The following CCDC198 variants were observed in gnomAD, a reference collection of about 807,000 sequenced individuals.
The protein encoded by CCDC198 is coiled-coil domain containing 198, also known as factor associated with metabolism and energy.
In CCDC198, 18 loss-of-function variants were observed where a neutral mutation model predicts 35.6. The ratio of observed to expected loss-of-function variants is 0.51; its 90% confidence interval spans 0.35 to 0.75. The LOEUF (loss-of-function observed/expected upper bound fraction) is 0.75, where lower values mean the gene tolerates loss of function less well. Among genes scored for constraint, CCDC198 ranks in the 30% least tolerant of loss-of-function variants. The pLI is 0.01. For missense variants in CCDC198, 365 were observed against 343.7 expected (o/e 1.06, Z -0.49); for synonymous variants, 119 against 113.4 (o/e 1.05, Z -0.31).
intron 1 of CCDC198, 75 bp from the exon 2 acceptor site, chr14:57,491,146 C>A: frequency 6.8e-7 from 1 of 1,460,990 alleles, no homozygotes; most frequent in Non-Finnish European, 9.4e-7. Flanking sequence ...TCATTAGTTA[C>A]TAGACTTTGT....
rs760072259 is a variant in CCDC198 at position 57,491,011 on chromosome 14, C to T, written c.284G>A (p.Arg95Lys). Reference protein sequence around the residue: ...LEHRETSIIKRHPPQRLQKLE... With the variant: ...LEHRETSIIKKHPPQRLQKLE... Reference sequence around the variant, plus strand: ...TACTTGAAGTCTTTGGGGTGGATGCCTTTTAATAATACTTGTTTCTCTGTG... The same window carrying T: ...TACTTGAAGTCTTTGGGGTGGATGCTTTTTAATAATACTTGTTTCTCTGTG... Residue 95 changes from arginine (R) to lysine (K), a missense_variant, in exon 2 of 6, where the codon AGG becomes AAG. Coordinates refer to ENST00000216445, the MANE Select transcript of CCDC198 (RefSeq NM_018168.4). 3.7e-6 allele frequency: 6 copies of T among 1,605,620 alleles called. No homozygotes were observed. Among genetic ancestry groups the T allele is most frequent in the East Asian group, 2.2e-5 (1 of 44,728 alleles).
chr14:57,478,676 T>A (rs974762857), intron 5 of CCDC198: 2 of 997,834 alleles, frequency 2.0e-6, no homozygotes, highest in Admixed American at 5.7e-5. Flanking sequence ...TTTGTGTATA[T>A]TTTTTAAGGT....
chr14:57,483,753 C>T (rs928462591), intron 2 of CCDC198, among the ~76,000 whole-genome samples: 16 of 152,170 alleles, frequency 1.1e-4, no homozygotes, highest in African/African-American at 3.4e-4. Context: ...TCATGTCAAC[C>T]GGTCTGCCTC....
In CCDC198 at chr14:57,492,842, T is replaced by C. The variant is rs115084336; in HGVS notation, c.223+651A>G. ...GTCTGTTTAATTATCATTGTGGTCA[T>C]CATAAAACATTTTACATGGCTTATA... On this transcript the variant is annotated intron_variant, in intron 1 of 5. Coordinates refer to ENST00000216445, the MANE Select transcript of CCDC198 (RefSeq NM_018168.4). Among the ~76,000 whole-genome samples the C allele has an allele frequency of 1.4e-3, 206 of 152,286 alleles. 2 individuals carry two copies. The highest frequency in any genetic ancestry group is 4.3e-3 in the African/African-American group (178 of 41,572).
At chr14:57,472,082 G>A (rs936216592) in intron 5 of CCDC198, among the ~76,000 whole-genome samples, 2 of 151,792 alleles carry the variant, frequency 1.3e-5, no homozygotes, top group African/African-American at 4.8e-5. Context: ...CTAATATATG[G>A]TCTATATTCA....
intron 5 of CCDC198, chr14:57,478,456 A>C (rs936647043): frequency 1.1e-5 from 11 of 985,902 alleles, no homozygotes; most frequent in Non-Finnish European, 1.2e-5. Context: ...GTAAGCACTC[A>C]ACAAACCTTA....
intron 5 of CCDC198, chr14:57,475,212 G>A (rs1019467358): frequency 5.6e-6 from 2 of 359,086 alleles, no homozygotes; most frequent in Non-Finnish European, 7.8e-6. Flanking sequence ...AGTGTGCAGA[G>A]ATTGTGCCAC....
chr14:57,481,240 C>T (rs1279668164), intron 4 of CCDC198, among the ~76,000 whole-genome samples: 1 of 152,084 alleles, frequency 6.6e-6, no homozygotes, highest in Admixed American at 6.5e-5. Context: ...ACAACTCACC[C>T]CCTCCTCCTT....
In CCDC198 at chr14:57,493,477, T is replaced by C. The variant is rs2067646552; in HGVS notation, c.223+16A>G. 1 of 1,599,982 alleles carries C rather than the reference T, an allele frequency of 6.3e-7. No homozygotes were observed. Among genetic ancestry groups the C allele is most frequent in the Non-Finnish European group, 8.6e-7 (1 of 1,167,458 alleles). ...TGGTCCAGATACACACATCTCATGC[T>C]GGGTTTTATGTTTACCTGTAGAATA... On this transcript the variant is annotated intron_variant, in intron 1 of 5. Transcript: ENST00000216445.
rs764386610 is a variant in CCDC198 at position 57,481,634 on chromosome 14, A to C, written c.420T>G (p.Thr140=). The part of the protein sequence containing the change: ...AKQVLEKKMQ[T]PMYTSENRQY... The stretch of plus-strand genomic sequence containing the variant: ...GTCTGTTCTCAGAAGTATACATTGG[A>C]GTTTGCATTTTCTTTTCTAGTACCT... The change falls in exon 4 of 6, where the codon ACT becomes ACG. Residue 140 remains threonine (T), a synonymous_variant. Transcript: ENST00000216445. 5.0e-6 allele frequency: 8 copies of C among 1,611,048 alleles called. No homozygotes were observed. The highest frequency in any genetic ancestry group is 1.8e-4 in the Middle Eastern group (1 of 5,690).
chr14:57,485,162 G>A (rs1233646710), intron 2 of CCDC198, among the ~76,000 whole-genome samples: 1 of 150,802 alleles, frequency 6.6e-6, no homozygotes, highest in African/African-American at 2.4e-5. Flanking sequence ...CAGTGTAGAT[G>A]TTGAGTTATA....
Position 57,471,110 on chromosome 14 carries a change from A to C in CCDC198, c.*245T>G, listed in dbSNP as rs1052266787. On this transcript the variant is annotated 3_prime_UTR_variant, in exon 6 of 6. Transcript: ENST00000216445. ...GAAGAACCACCTAGCTGAACTCAGC[A>C]ACCCACAGGAAAGTGAGACAATAAA... is the stretch of plus-strand genomic sequence containing the variant. 9 of 395,880 alleles carry C rather than the reference A, an allele frequency of 2.3e-5. No homozygotes were observed. The highest frequency in any genetic ancestry group is 3.2e-5 in the Non-Finnish European group (7 of 221,006). 24.5% of individuals were successfully genotyped at this position (395,880 alleles called of 1,614,324 possible). A position where few individuals can be genotyped will look rare whatever the true frequency, so the allele number is the denominator to read the frequency against.
intron 2 of CCDC198, among the ~76,000 whole-genome samples, chr14:57,490,137 T>C (rs945183554): frequency 5.5e-4 from 84 of 152,176 alleles, no homozygotes; most frequent in African/African-American, 2.0e-3. Context: ...ACCCCTGGGA[T>C]TGGTCCAGGC....
chr14:57,483,094 G>A lies in CCDC198; in HGVS notation c.364C>T (p.Arg122Ter), dbSNP rs747886419. The change falls in exon 3 of 6, where the codon CGA becomes TGA. Residue 122 changes from arginine to a stop codon, truncating the protein, a stop_gained. Coordinates refer to ENST00000216445, the MANE Select transcript of CCDC198 (RefSeq NM_018168.4). LOFTEE classifies it high-confidence loss of function. ...VITSGRLLSQ[R>*]EARTMHKAKQ... ...GCTTTGTGCATTGTCCTGGCTTCTC[G>A]CTGGCTCAGGAGTCTTCCTGAAGTA... 1.7e-5 allele frequency: 27 copies of A among 1,613,912 alleles called. 1 individual carries two copies. The highest frequency in any genetic ancestry group is 7.7e-5 in the South Asian group (7 of 91,078).
chr14:57,471,580 C>T lies in CCDC198; in HGVS notation c.666G>A (p.Lys222=). 6.4e-7 allele frequency: 1 copy of T among 1,556,960 alleles called. No homozygotes were observed. The highest frequency in any genetic ancestry group is 8.7e-7 in the Non-Finnish European group (1 of 1,147,492). ...CTTGATGTTTCAAAAATTCTGTATT[C>T]TTTGAATTTCCTACAAAAAAATTAA... ...EILNRGPGNS[K]NTEFLKHQAV... Residue 222 remains lysine, a synonymous_variant, in exon 6 of 6, where the codon AAG becomes AAA. Transcript: ENST00000216445.
At chr14:57,481,967 A>G (rs2067202804) in intron 3 of CCDC198, among the ~76,000 whole-genome samples, 1 of 152,188 alleles carries the variant, frequency 6.6e-6, no homozygotes, top group Non-Finnish European at 1.5e-5. Flanking sequence ...TTGTAAACAG[A>G]TGCTTATTAC....
chr14:57,490,008 G>T (rs1462993052), intron 2 of CCDC198, among the ~76,000 whole-genome samples: 10 of 151,888 alleles, frequency 6.6e-5, no homozygotes, highest in Non-Finnish European at 1.2e-4. Flanking sequence ...TTTGGGAAAA[G>T]ATACTCTTTT....
chr14:57,476,385 C>G (rs1339510687), intron 5 of CCDC198, among the ~76,000 whole-genome samples: 1 of 152,122 alleles, frequency 6.6e-6, no homozygotes, highest in Non-Finnish European at 1.5e-5. Context: ...AGTAGATGCA[C>G]TACTGGGACT....
intron 2 of CCDC198, 51 bp downstream of exon 2, chr14:57,490,938 T>C: frequency 7.0e-7 from 1 of 1,426,970 alleles, no homozygotes; most frequent in Admixed American, 1.8e-5. Context: ...AAAAGGGATG[T>C]TACCATTTTA....
Sources: allele counts gnomAD v4.1 joint callset (sites outside exome capture counted in the v4.1 genomes callset), GRCh38; gene constraint gnomAD v4.1.1; transcripts MANE v1.5; gene names NCBI Gene and HGNC (gene_info 2026-07-23, HGNC 2026-07-21).